The following STEAP4 variants were observed in gnomAD, a reference collection of about 807,000 sequenced individuals.
The protein encoded by STEAP4 is STEAP4 metalloreductase, also known as metalloreductase STEAP4.
STEAP4 carries 36 observed loss-of-function variants against 43.6 expected under a neutral mutation model. That is an observed-to-expected ratio of 0.83 (90% CI 0.63 to 1.09). The LOEUF (loss-of-function observed/expected upper bound fraction) is 1.09. STEAP4 is among the 50% of genes least tolerant of loss of function. STEAP4 has a pLI of 0.00. For synonymous variants in STEAP4, 191 were observed against 196.7 expected (o/e 0.97, Z 0.24); for missense variants, 495 against 546.5 (o/e 0.91, Z 0.94).
At chr7:88,303,298 C>A (rs1008913420) in intron 1 of STEAP4, among the ~76,000 whole-genome samples, 4 of 151,200 alleles carry the variant, frequency 2.6e-5, no homozygotes, top group African/African-American at 9.7e-5. Flanking sequence ...GAGTTCCAGA[C>A]AAGCCTGGCC....
intron 1 of STEAP4, among the ~76,000 whole-genome samples, chr7:88,287,212 A>G (rs901497893): frequency 6.6e-6 from 1 of 152,222 alleles, no homozygotes; most frequent in African/African-American, 2.4e-5. Context: ...CTCCACTGCA[A>G]TTGAATCCAT....
chr7:88,297,086 A>G (rs1310539417), intron 1 of STEAP4, among the ~76,000 whole-genome samples: 1 of 152,186 alleles, frequency 6.6e-6, no homozygotes, highest in African/African-American at 2.4e-5. Context: ...TAATTTTCAA[A>G]TTCTTTCTTT....
rs774776093 is a variant in STEAP4 at position 88,282,927 on chromosome 7, T to G, written c.698A>C (p.Asp233Ala). 5.0e-6 allele frequency: 8 copies of G among 1,614,080 alleles called. No homozygotes were observed. The African/African-American group carries it at 1.1e-4, about 22-fold the overall frequency. The change falls in exon 3 of 5, where the codon GAT becomes GCT. Residue 233 changes from aspartate (D) to alanine (A), a missense_variant. Physicochemically the swap from Asp to Ala is moderately radical, Grantham distance 126. Coordinates refer to ENST00000380079, the MANE Select transcript of STEAP4 (RefSeq NM_024636.4). ...VIYPYVYEKK[D>A]NTFRMAISIP... ...GGAAATAGCCATACGAAATGTATTA[T>G]CTTTCTTTTCATAAACATAAGGGTA...
rs1852473904 is a variant in STEAP4, at chr7:88,273,809, G to A, written c.*5589C>T. On this transcript the variant is annotated 3_prime_UTR_variant, in exon 5 of 5. Transcript: ENST00000380079. Reference sequence around the variant, plus strand: ...CCTTGTGGCCAGACTAGAGTGGGAAGATTAAAATGGCAATTGCAATGGAAT... The same window carrying A: ...CCTTGTGGCCAGACTAGAGTGGGAAAATTAAAATGGCAATTGCAATGGAAT... 1 of 152,158 alleles carries A rather than the reference G, an allele frequency of 6.6e-6. No individual in the cohort carries two copies. The highest frequency in any genetic ancestry group is 6.5e-5 in the Admixed American group (1 of 15,268). The allele number at this position is 152,158 out of a possible 1,614,324, so 9.4% of individuals were successfully genotyped here.
rs1457001888 is a variant in STEAP4, at chr7:88,271,005, G to A, written c.*8393C>T. On this transcript the variant is annotated 3_prime_UTR_variant, in exon 5 of 5. Coordinates refer to ENST00000380079, the MANE Select transcript of STEAP4 (RefSeq NM_024636.4). ...CACAAAATATACAGTGATCAGATTA[G>A]GGTAATTAGTATATCCATCATCTTA... 6.6e-6 allele frequency: 1 copy of A among 151,992 alleles called. No individual in the cohort carries two copies. Among genetic ancestry groups the A allele is most frequent in the Non-Finnish European group, 1.5e-5 (1 of 67,980 alleles). 9.4% of individuals were successfully genotyped at this position (151,992 alleles called of 1,614,324 possible). A position where few individuals can be genotyped will look rare whatever the true frequency, so the allele number is the denominator to read the frequency against.
At chr7:88,303,627 G>A (rs745596620) in intron 1 of STEAP4, among the ~76,000 whole-genome samples, 1 of 152,138 alleles carries the variant, frequency 6.6e-6, no homozygotes, top group Non-Finnish European at 1.5e-5. Flanking sequence ...AATTTAGATT[G>A]GGATGTCAAT....
At position 88,284,331 on chromosome 7, in the gene STEAP4, A is replaced by G. The variant is rs576704726; in HGVS notation, c.-2-60T>C. ...TAAATGCTCTGTGCCTGGAAAATTAAAGAGAGCTATATTCAAGAAGTAATG... is the reference window on the plus strand; with the variant it reads ...TAAATGCTCTGTGCCTGGAAAATTAGAGAGAGCTATATTCAAGAAGTAATG... On this transcript the variant is annotated intron_variant, in intron 1 of 4. Coordinates refer to ENST00000380079, the MANE Select transcript of STEAP4 (RefSeq NM_024636.4). 9.2e-6 allele frequency: 11 copies of G among 1,189,670 alleles called. No homozygotes were observed. In the Admixed American group the frequency reaches 2.7e-4, roughly 30 times the overall value. The allele number at this position is 1,189,670 out of a possible 1,614,324, so 73.7% of individuals were successfully genotyped here.
intron 1 of STEAP4, among the ~76,000 whole-genome samples, chr7:88,299,934 T>C (rs1402691766): frequency 6.6e-6 from 1 of 152,164 alleles, no homozygotes; most frequent in Admixed American, 6.5e-5. Context: ...GAATATAGCC[T>C]ACTTCATCTT....
intron 1 of STEAP4, among the ~76,000 whole-genome samples, chr7:88,302,568 T>C (rs1428000625): frequency 6.6e-6 from 1 of 152,150 alleles, no homozygotes; most frequent in African/African-American, 2.4e-5. Context: ...CGATGACCAT[T>C]AATTATCCCT....
At chr7:88,295,970 G>C (rs753150301) in intron 1 of STEAP4, among the ~76,000 whole-genome samples, 2 of 151,920 alleles carry the variant, frequency 1.3e-5, no homozygotes, top group Admixed American at 1.3e-4. Flanking sequence ...TTTGAGAACC[G>C]GAGGCAAAAT....
intron 2 of STEAP4, 81 bp downstream of exon 2, chr7:88,283,733 T>A: frequency 7.2e-7 from 1 of 1,392,514 alleles, no homozygotes; most frequent in Non-Finnish European, 9.8e-7. Flanking sequence ...CATCTTGGAA[T>A]TATATTTTGG....
At chr7:88,298,833 T>C (rs774112696) in intron 1 of STEAP4, among the ~76,000 whole-genome samples, 1 of 152,204 alleles carries the variant, frequency 6.6e-6, no homozygotes, top group Non-Finnish European at 1.5e-5. Context: ...TTATTTCAAT[T>C]GTTTTGTGAG....
Position 88,271,976 on chromosome 7 carries a change from T to C in STEAP4, c.*7422A>G, listed in dbSNP as rs1014924835. 6.6e-6 allele frequency: 1 copy of C among 152,238 alleles called. No homozygotes were observed. The highest frequency in any genetic ancestry group is 1.5e-5 in the Non-Finnish European group (1 of 68,044). The allele number at this position is 152,238 out of a possible 1,614,324, so 9.4% of individuals were successfully genotyped here. A position where few individuals can be genotyped will look rare whatever the true frequency, so the allele number is the denominator to read the frequency against. The stretch of plus-strand genomic sequence containing the variant: ...AGCCTTGTTTCTCCTGTGAACTTTG[T>C]TCATACTCTTTGTATAGTTTCCAGC... On this transcript the variant is annotated 3_prime_UTR_variant, in exon 5 of 5. Coordinates refer to ENST00000380079, the MANE Select transcript of STEAP4 (RefSeq NM_024636.4).
chr7:88,282,815 C>T lies in STEAP4; in HGVS notation c.810G>A (p.Leu270=), dbSNP rs1563497013. 6.2e-7 allele frequency: 1 copy of T among 1,614,092 alleles called. No individual in the cohort carries two copies. The highest frequency in any genetic ancestry group is 8.5e-7 in the Non-Finnish European group (1 of 1,180,044). Residue 270 remains leucine, a synonymous_variant, in exon 3 of 5, where the codon CTG becomes CTA. Transcript: ENST00000380079. ...ATCGACGGTATTTTGTGCCTCGGTA[C>T]AGTTGTAGAATGGCAGCAATAACAC... The part of the protein sequence containing the change: ...LPGVIAAILQ[L]YRGTKYRRFP...
chr7:88,279,322 C>T lies in STEAP4; in HGVS notation c.*76G>A. On this transcript the variant is annotated 3_prime_UTR_variant, in exon 5 of 5. Coordinates refer to ENST00000380079, the MANE Select transcript of STEAP4 (RefSeq NM_024636.4). ...ACTGTACCCATCATTCTTCTTTAAA[C>T]ATTCAAAACCATAGTTCAGAAATCC... 1 of 1,405,634 alleles carries T rather than the reference C, an allele frequency of 7.1e-7. No homozygotes were observed. Among genetic ancestry groups the T allele is most frequent in the Admixed American group, 1.8e-5 (1 of 54,198 alleles). 87.1% of individuals were successfully genotyped at this position (1,405,634 alleles called of 1,614,324 possible).
At chr7:88,285,756 C>CAAAAAAA (rs371254467) in intron 1 of STEAP4, among the ~76,000 whole-genome samples, 2 of 78,384 alleles carry the variant, frequency 2.6e-5, no homozygotes, top group Non-Finnish European at 5.0e-5. Flanking sequence ...GACTTTGTCT[C>CAAAAAAA]AAAAAAAAAA....
intron 1 of STEAP4, among the ~76,000 whole-genome samples, chr7:88,287,331 G>A (rs1027829284): frequency 3.3e-5 from 5 of 152,164 alleles, no homozygotes; most frequent in Non-Finnish European, 7.4e-5. Context: ...CACCAGAGGT[G>A]GGCTACAGAG....
In STEAP4 at chr7:88,274,255, G is replaced by T. The variant is rs568931050; in HGVS notation, c.*5143C>A. The T allele has an allele frequency of 2.0e-5, 3 of 152,344 alleles. No individual in the cohort carries two copies. Among genetic ancestry groups the T allele is most frequent in the South Asian group, 4.1e-4 (2 of 4,830 alleles). The allele number at this position is 152,344 out of a possible 1,614,324, so 9.4% of individuals were successfully genotyped here. A position where few individuals can be genotyped will look rare whatever the true frequency, so the allele number is the denominator to read the frequency against. Reference sequence around the variant, plus strand: ...GAGGATTAAATAAGATAATGCATGTGAAATTGTTAGCATAGGCTTTACGCA... The same window carrying T: ...GAGGATTAAATAAGATAATGCATGTTAAATTGTTAGCATAGGCTTTACGCA... On this transcript the variant is annotated 3_prime_UTR_variant, in exon 5 of 5. Coordinates refer to ENST00000380079, the MANE Select transcript of STEAP4 (RefSeq NM_024636.4).
At chr7:88,295,608 T>A (rs1051768659) in intron 1 of STEAP4, among the ~76,000 whole-genome samples, 52 of 152,198 alleles carry the variant, frequency 3.4e-4, no homozygotes, top group African/African-American at 1.1e-3. Flanking sequence ...GCGGTTCTTC[T>A]TCCTGGTAAC....
Sources: allele counts gnomAD v4.1 joint callset (sites outside exome capture counted in the v4.1 genomes callset), GRCh38; gene constraint gnomAD v4.1.1; transcripts MANE v1.5; gene names NCBI Gene and HGNC (gene_info 2026-07-23, HGNC 2026-07-21).